The following SLC9A9 variants were observed in gnomAD, a reference collection of about 807,000 sequenced individuals.
The protein encoded by SLC9A9 is sodium/hydrogen exchanger 9.
A neutral mutation model predicts 77.8 loss-of-function variants in SLC9A9; 62 were observed. That is an observed-to-expected ratio of 0.80 (90% CI 0.65 to 0.98). SLC9A9 has a LOEUF of 0.98. SLC9A9 is among the 50% of genes least tolerant of loss of function. SLC9A9 has a pLI of 0.00. For missense variants in SLC9A9, 775 were observed against 774.9 expected, an observed-to-expected ratio of 1.00 and a Z score of 0.00; for synonymous variants, 320 against 283.5, an observed-to-expected ratio of 1.13 and a Z score of -1.29.
chr3:143,458,346 C>G (rs1487331691), intron 12 of SLC9A9, among the ~76,000 whole-genome samples: 1 of 152,032 alleles, frequency 6.6e-6, no homozygotes, highest in Non-Finnish European at 1.5e-5. Context: ...TTCTTATAGA[C>G]AGCATATAGC....
At chr3:143,711,656 C>A (rs1460459466) in intron 4 of SLC9A9, among the ~76,000 whole-genome samples, 3 of 151,298 alleles carry the variant, frequency 2.0e-5, no homozygotes, top group Non-Finnish European at 4.4e-5. Flanking sequence ...GCTCAAGTGA[C>A]CCTTCCCACT....
intron 12 of SLC9A9, among the ~76,000 whole-genome samples, chr3:143,417,778 G>A (rs1559907245): frequency 6.6e-6 from 1 of 151,984 alleles, no homozygotes; most frequent in Non-Finnish European, 1.5e-5. Flanking sequence ...CTGGTCTATG[G>A]TATTCTGTTC....
intron 6 of SLC9A9, among the ~76,000 whole-genome samples, chr3:143,598,590 G>C (rs192218973): frequency 6.6e-6 from 1 of 152,160 alleles, no homozygotes. Context: ...AAAAGACACC[G>C]TCTTCCTCCA....
intron 4 of SLC9A9, among the ~76,000 whole-genome samples, chr3:143,743,450 A>T (rs1290619810): frequency 6.6e-6 from 1 of 152,196 alleles, no homozygotes; most frequent in Non-Finnish European, 1.5e-5. Flanking sequence ...AGGCCTTAGA[A>T]CCCAGCAGGC....
intron 4 of SLC9A9, among the ~76,000 whole-genome samples, chr3:143,752,402 G>C (rs983875078): frequency 6.6e-6 from 1 of 152,190 alleles, no homozygotes; most frequent in Non-Finnish European, 1.5e-5. Context: ...GCCTGATAAA[G>C]CTGAGACGAT....
intron 6 of SLC9A9, among the ~76,000 whole-genome samples, chr3:143,628,783 T>C (rs974838188): frequency 6.6e-6 from 1 of 152,182 alleles, no homozygotes; most frequent in Non-Finnish European, 1.5e-5. Context: ...AGAAGACATT[T>C]TGTCAACAGT....
At chr3:143,475,520 C>T (rs935447253) in intron 11 of SLC9A9, among the ~76,000 whole-genome samples, 6 of 151,954 alleles carry the variant, frequency 3.9e-5, no homozygotes, top group Non-Finnish European at 8.8e-5. Flanking sequence ...AGGCCGGGTG[C>T]AGTGGCTCAT....
chr3:143,406,520 G>A (rs1239094077), intron 12 of SLC9A9, among the ~76,000 whole-genome samples: 1 of 151,864 alleles, frequency 6.6e-6, no homozygotes, highest in East Asian at 1.9e-4. Flanking sequence ...TGGGATCACA[G>A]GTGCTTGCCT....
At position 143,442,328 on chromosome 3, in the gene SLC9A9, A is replaced by C. The variant is rs567532211; in HGVS notation, c.1469+24709T>G. 1.4e-4 allele frequency among the ~76,000 whole-genome samples: 22 copies of C among 152,356 alleles called. No individual in the cohort carries two copies. The South Asian group carries it at 4.1e-3, about 29-fold the overall frequency. ...ACAGACAATATATTTTCAGCTCCCA[A>C]GGTCAGAATGCTCACCAAGCTCTCA... On this transcript the variant is annotated intron_variant, in intron 12 of 15. Transcript: ENST00000316549.
At position 143,726,723 on chromosome 3, in the gene SLC9A9, A is replaced by T. The variant is rs1934664972; in HGVS notation, c.534-33416T>A. Among the ~76,000 whole-genome samples, 3 of 141,286 alleles carry T rather than the reference A, an allele frequency of 2.1e-5. No homozygotes were observed. In the South Asian group the frequency reaches 6.6e-4, roughly 31 times the overall value. 92.7% of individuals were successfully genotyped at this position (141,286 alleles called of 152,430 possible). A position where few individuals can be genotyped will look rare whatever the true frequency, so the allele number is the denominator to read the frequency against. ...GTATTGACCCAGTTAATTAAATAAC[A>T]TCTTCATTGCCTGAAAAAAAAAATC... On this transcript the variant is annotated intron_variant, in intron 4 of 15. Coordinates refer to ENST00000316549, the MANE Select transcript of SLC9A9 (RefSeq NM_173653.4).
intron 6 of SLC9A9, among the ~76,000 whole-genome samples, chr3:143,584,531 G>GA (rs1421845589): frequency 1.3e-5 from 2 of 152,116 alleles, no homozygotes; most frequent in African/African-American, 2.4e-5. Flanking sequence ...AGTCATTACA[G>GA]AAAAAATGAG....
chr3:143,706,199 T>A (rs13097498), intron 4 of SLC9A9, among the ~76,000 whole-genome samples: 1 of 152,066 alleles, frequency 6.6e-6, no homozygotes, highest in African/African-American at 2.4e-5. Flanking sequence ...AGACGAAATA[T>A]GAATAAATAA....
intron 2 of SLC9A9, among the ~76,000 whole-genome samples, chr3:143,819,415 C>G (rs1197830341): frequency 6.6e-6 from 1 of 152,178 alleles, no homozygotes; most frequent in Non-Finnish European, 1.5e-5. Flanking sequence ...AAACATTTAA[C>G]TTGGCAGCAT....
chr3:143,304,291 A>T (rs1027510461), intron 14 of SLC9A9, among the ~76,000 whole-genome samples: 2 of 152,210 alleles, frequency 1.3e-5, no homozygotes, highest in Admixed American at 1.3e-4. Flanking sequence ...GAGCCATTAA[A>T]ATCCAAACTC....
chr3:143,272,465 C>T (rs535959021), intron 14 of SLC9A9, among the ~76,000 whole-genome samples: 1 of 152,316 alleles, frequency 6.6e-6, no homozygotes, highest in African/African-American at 2.4e-5. Flanking sequence ...GATTAGTTTA[C>T]AGCAGAGCTA....
chr3:143,547,171 A>G (rs182476280), intron 9 of SLC9A9, among the ~76,000 whole-genome samples: 1 of 152,248 alleles, frequency 6.6e-6, no homozygotes, highest in Admixed American at 6.5e-5. Context: ...ACATTGGAGT[A>G]CCTTAGATTG....
intron 14 of SLC9A9, among the ~76,000 whole-genome samples, chr3:143,339,363 A>C (rs888975896): frequency 6.6e-6 from 1 of 152,172 alleles, no homozygotes; most frequent in African/African-American, 2.4e-5. Flanking sequence ...GCACAGCTGC[A>C]TATGAGGTGA....
At chr3:143,651,534 A>C (rs2038795327) in intron 6 of SLC9A9, among the ~76,000 whole-genome samples, 1 of 152,200 alleles carries the variant, frequency 6.6e-6, no homozygotes, top group South Asian at 2.1e-4. Flanking sequence ...TCAGATATTG[A>C]CTTTCCTTTG....
intron 2 of SLC9A9, chr3:143,811,719 A>G: frequency 2.2e-6 from 1 of 454,920 alleles, no homozygotes. Flanking sequence ...AAAATTAGCC[A>G]CGCACAGTGG....
Sources: allele counts gnomAD v4.1 joint callset (sites outside exome capture counted in the v4.1 genomes callset), GRCh38; gene constraint gnomAD v4.1.1; transcripts MANE v1.5; gene names NCBI Gene and HGNC (gene_info 2026-07-23, HGNC 2026-07-21).